Variants in PAX5 observed in about 807,000 individuals in gnomAD.
The protein encoded by PAX5 is paired box protein Pax-5.
In PAX5, 9 loss-of-function variants were observed where a neutral mutation model predicts 43.7. That is an observed-to-expected ratio of 0.21 (90% CI 0.12 to 0.36). PAX5 has a LOEUF of 0.36. PAX5 is among the 10% of genes least tolerant of loss of function. The pLI is 1.00. For synonymous variants in PAX5, 228 were observed against 214.3 expected, an observed-to-expected ratio of 1.06 and a Z score of -0.56; for missense variants, 383 against 532.7, an observed-to-expected ratio of 0.72 and a Z score of 2.77.
chr9:36,910,931 A>G (rs1278150997), intron 7 of PAX5, among the ~76,000 whole-genome samples: 2 of 152,218 alleles, frequency 1.3e-5, no homozygotes, highest in Non-Finnish European at 2.9e-5. Context: ...TAGGATATGC[A>G]TGTCATTCAT....
intron 9 of PAX5, among the ~76,000 whole-genome samples, chr9:36,840,967 A>G (rs1276801035): frequency 6.6e-6 from 1 of 152,188 alleles, no homozygotes; most frequent in Admixed American, 6.5e-5. Flanking sequence ...CTTTACTGCT[A>G]TTACGACAGA....
chr9:36,983,827 AC>A (rs576479522), intron 5 of PAX5, among the ~76,000 whole-genome samples: 134 of 152,166 alleles, frequency 8.8e-4, no homozygotes, highest in Non-Finnish European at 1.6e-3. Flanking sequence ...CTCCAGTTCT[AC>A]CCTTCAAGAC....
intron 6 of PAX5, among the ~76,000 whole-genome samples, chr9:36,949,356 G>C (rs1162589609): frequency 6.6e-6 from 1 of 152,118 alleles, no homozygotes; most frequent in Non-Finnish European, 1.5e-5. Flanking sequence ...CACCGTGCCC[G>C]GCCAACACAA....
At chr9:37,012,454 C>A (rs911052529) in intron 3 of PAX5, among the ~76,000 whole-genome samples, 2 of 152,166 alleles carry the variant, frequency 1.3e-5, no homozygotes, top group African/African-American at 4.8e-5. Context: ...CATGAAAGCA[C>A]CTTAGAGGCA....
chr9:37,007,533 C>T (rs575800993), intron 3 of PAX5: 1 of 152,320 alleles, frequency 6.6e-6, no homozygotes, highest in Admixed American at 6.5e-5. Context: ...CTGAGAGCAG[C>T]AGAACAGGGC....
intron 4 of PAX5, among the ~76,000 whole-genome samples, chr9:37,004,860 C>A (rs980076741): frequency 6.6e-6 from 1 of 152,168 alleles, no homozygotes; most frequent in Non-Finnish European, 1.5e-5. Context: ...TTGGCCCCAC[C>A]ACTTACTGGC....
rs1343138367 is a variant in PAX5 at position 36,846,905 on chromosome 9, T to C, written c.1037A>G (p.Tyr346Cys). 1.2e-6 allele frequency: 2 copies of C among 1,613,820 alleles called. No homozygotes were observed. The highest frequency in any genetic ancestry group is 1.7e-6 in the Non-Finnish European group (2 of 1,179,824). ...GTACGAGGAATACTGAGGGTGGCTG[T>C]AGGGACTCCCGGAAAACTCACTCCC... Reference protein sequence around the residue: ...VPGSEFSGSPYSHPQYSSYND... With the variant: ...VPGSEFSGSPCSHPQYSSYND... Residue 346 changes from tyrosine (Y) to cysteine (C), a missense_variant, in exon 9 of 10, where the codon TAC becomes TGC. Tyr to Cys is a radical substitution (Grantham distance 194, BLOSUM62 -2). This residue lies in a region of PAX5 where 291 missense variants were observed against 342.5 expected (regional missense o/e 0.85). Transcript: ENST00000358127.
At chr9:36,955,074 T>C (rs1262863014) in intron 6 of PAX5, among the ~76,000 whole-genome samples, 1 of 152,228 alleles carries the variant, frequency 6.6e-6, no homozygotes, top group Non-Finnish European at 1.5e-5. Context: ...TTTGATTCTC[T>C]TTCTAGTCTG....
At chr9:36,872,154 G>A (rs997384846) in intron 8 of PAX5, among the ~76,000 whole-genome samples, 12 of 152,134 alleles carry the variant, frequency 7.9e-5, no homozygotes, top group Admixed American at 2.0e-4. Context: ...GGGCCTTCCC[G>A]ATCGAGACAT....
chr9:36,971,520 T>G (rs1275979661), intron 5 of PAX5, among the ~76,000 whole-genome samples: 1 of 152,210 alleles, frequency 6.6e-6, no homozygotes, highest in Admixed American at 6.5e-5. Flanking sequence ...CCCATTTTAT[T>G]CCAGGGAGAA....
intron 8 of PAX5, among the ~76,000 whole-genome samples, chr9:36,865,550 C>G (rs1366821244): frequency 1.3e-5 from 2 of 151,924 alleles, no homozygotes; most frequent in African/African-American, 4.8e-5. Flanking sequence ...GGGAAGGCAG[C>G]GGGAGAGGCT....
In PAX5 at chr9:36,838,524, AG is replaced by A. The variant is rs1385557099; in HGVS notation, c.*2035del. 4.3e-6 allele frequency: 1 copy of A among 232,940 alleles called. No homozygotes were observed. Among genetic ancestry groups the A allele is most frequent in the African/African-American group, 2.2e-5 (1 of 45,314 alleles). The allele number at this position is 232,940 out of a possible 1,614,324, so 14.4% of individuals were successfully genotyped here. On this transcript the variant is annotated 3_prime_UTR_variant, in exon 10 of 10. Coordinates refer to ENST00000358127, the MANE Select transcript of PAX5 (RefSeq NM_016734.3). ...GAACAAAATACTTAGCGGTGGCCAG[AG>A]GAAGTCTGCTTTTTCTCCCTGCATG...
chr9:36,846,454 T>C (rs1442958125), intron 9 of PAX5, among the ~76,000 whole-genome samples: 5 of 152,332 alleles, frequency 3.3e-5, no homozygotes, highest in Non-Finnish European at 7.3e-5. Flanking sequence ...ACCAATCGAT[T>C]CAAGTTGGTA....
At chr9:36,921,411 C>T (rs1040476995) in intron 7 of PAX5, among the ~76,000 whole-genome samples, 18 of 152,174 alleles carry the variant, frequency 1.2e-4, no homozygotes, top group African/African-American at 7.2e-5. Flanking sequence ...CAGAGTCAGA[C>T]GGCAAGGCAG....
intron 6 of PAX5, among the ~76,000 whole-genome samples, chr9:36,947,926 C>T (rs1832685421): frequency 6.6e-6 from 1 of 152,090 alleles, no homozygotes; most frequent in African/African-American, 2.4e-5. Context: ...TCTGTGCACC[C>T]CACCCCCGTT....
chr9:36,947,493 C>A (rs1832631444), intron 6 of PAX5, among the ~76,000 whole-genome samples: 1 of 152,100 alleles, frequency 6.6e-6, no homozygotes. Context: ...AACTCCTGGG[C>A]TCAAGTGATC....
intron 7 of PAX5, among the ~76,000 whole-genome samples, chr9:36,902,723 G>A (rs750413070): frequency 6.2e-4 from 95 of 152,318 alleles, no homozygotes; most frequent in Non-Finnish European, 3.2e-4. Flanking sequence ...AGCACAAGAC[G>A]GATTTTAAAA....
At chr9:37,017,101 C>G (rs1253071679) in intron 2 of PAX5, among the ~76,000 whole-genome samples, 1 of 152,182 alleles carries the variant, frequency 6.6e-6, no homozygotes, top group African/African-American at 2.4e-5. Flanking sequence ...GAAAAGCACC[C>G]TAAGTCAAGG....
At chr9:36,917,432 C>G (rs1829810934) in intron 7 of PAX5, among the ~76,000 whole-genome samples, 1 of 152,254 alleles carries the variant, frequency 6.6e-6, no homozygotes, top group South Asian at 2.1e-4. Context: ...GGGAATATGA[C>G]CCAGTGTGGC....
Sources: gnomAD v4.1 joint callset for allele counts (sites outside exome capture counted in the v4.1 genomes callset) on GRCh38, gnomAD v4.1.1 for gene constraint, gnomAD v4.1.1 regional missense constraint, MANE v1.5 for transcripts, NCBI Gene and HGNC (gene_info 2026-07-23, HGNC 2026-07-21) for gene names.